PTPRD: variants seen among roughly 807,000 people sequenced by gnomAD.
The protein encoded by PTPRD is receptor-type tyrosine-protein phosphatase delta.
PTPRD carries 34 observed loss-of-function variants against 214.5 expected under a neutral mutation model. The ratio of observed to expected loss-of-function variants is 0.16; its 90% CI spans 0.12 to 0.21. PTPRD has a LOEUF of 0.21. PTPRD is among the 10% of genes least tolerant of loss of function. PTPRD has a pLI of 1.00. For synonymous variants in PTPRD, 1,128 were observed against 845.7 expected (o/e 1.33, Z -5.79); for missense variants, 2,545 against 2,398.7 (o/e 1.06, Z -1.27).
At chr9:9,468,702 G>T (rs954264294) in intron 8 of PTPRD, among the ~76,000 whole-genome samples, 1 of 151,944 alleles carries the variant, frequency 6.6e-6, no homozygotes, top group Admixed American at 6.6e-5. Flanking sequence ...TTCTAAAAAT[G>T]CATATATATA....
At chr9:10,190,136 G>T (rs971085561) in intron 3 of PTPRD, among the ~76,000 whole-genome samples, 2 of 151,938 alleles carry the variant, frequency 1.3e-5, no homozygotes, top group Non-Finnish European at 2.9e-5. Context: ...GGAGGCTGAG[G>T]GGGGTGGATC....
intron 14 of PTPRD, among the ~76,000 whole-genome samples, chr9:8,620,834 A>T (rs2095798745): frequency 6.6e-6 from 1 of 151,986 alleles, no homozygotes; most frequent in Admixed American, 6.6e-5. Flanking sequence ...CAGGAAAGAC[A>T]TTCACCCCTC....
chr9:9,001,031 A>G (rs1589578966), intron 11 of PTPRD, among the ~76,000 whole-genome samples: 1 of 152,014 alleles, frequency 6.6e-6, no homozygotes, highest in Non-Finnish European at 1.5e-5. Flanking sequence ...GCCTTCCACT[A>G]TAAGAGGACA....
At chr9:10,152,738 T>G (rs1485375403) in intron 3 of PTPRD, among the ~76,000 whole-genome samples, 1 of 152,090 alleles carries the variant, frequency 6.6e-6, no homozygotes, top group Non-Finnish European at 1.5e-5. Flanking sequence ...GGCAGGAGAA[T>G]AGCTTGAACC....
chr9:9,271,274 T>C (rs1242552861), intron 9 of PTPRD, among the ~76,000 whole-genome samples: 2 of 151,030 alleles, frequency 1.3e-5, no homozygotes, highest in African/African-American at 4.9e-5. Context: ...TTCAAACTTA[T>C]TTTTCTCATC....
chr9:9,603,315 A>T (rs190979290), intron 7 of PTPRD, among the ~76,000 whole-genome samples: 2 of 152,220 alleles, frequency 1.3e-5, no homozygotes, highest in Non-Finnish European at 1.5e-5. Context: ...GGTCAAAAAA[A>T]GTATAACAGA....
chr9:8,804,500 G>A (rs28445022), intron 11 of PTPRD, among the ~76,000 whole-genome samples: 4,874 of 152,002 alleles, frequency 0.032, 221 homozygotes, highest in African/African-American at 0.1. Context: ...TGGGAGGCTG[G>A]GACGGGAGGA....
chr9:8,598,811 G>A (rs1046005661), intron 14 of PTPRD, among the ~76,000 whole-genome samples: 22 of 152,238 alleles, frequency 1.4e-4, no homozygotes, highest in African/African-American at 3.9e-4. Flanking sequence ...AAATGCTTGG[G>A]TTATCAATCT....
At chr9:10,420,664 C>T (rs2098537690) in intron 2 of PTPRD, among the ~76,000 whole-genome samples, 1 of 151,850 alleles carries the variant, frequency 6.6e-6, no homozygotes, top group Admixed American at 6.6e-5. Context: ...AACTGAACTC[C>T]TAATCCTTAT....
At chr9:9,655,599 C>T (rs887822701) in intron 7 of PTPRD, among the ~76,000 whole-genome samples, 2 of 151,330 alleles carry the variant, frequency 1.3e-5, no homozygotes, top group Admixed American at 1.3e-4. Context: ...CCAAACCAAA[C>T]CAAACCAAAC....
chr9:9,561,790 T>G (rs895146198), intron 8 of PTPRD, among the ~76,000 whole-genome samples: 2 of 152,222 alleles, frequency 1.3e-5, no homozygotes, highest in African/African-American at 2.4e-5. Context: ...CTTTTCTTTC[T>G]CTTTCTATCT....
intron 8 of PTPRD, among the ~76,000 whole-genome samples, chr9:9,481,697 C>T (rs184380102): frequency 4.6e-5 from 7 of 151,918 alleles, no homozygotes; most frequent in Admixed American, 4.6e-4. Flanking sequence ...ATGCCTAGAG[C>T]TCGCAAATGT....
At chr9:9,762,132 T>C (rs979392968) in intron 6 of PTPRD, among the ~76,000 whole-genome samples, 1 of 152,188 alleles carries the variant, frequency 6.6e-6, no homozygotes, top group African/African-American at 2.4e-5. Flanking sequence ...CTCAAGGCTC[T>C]GAACAGAGGT....
intron 9 of PTPRD, among the ~76,000 whole-genome samples, chr9:9,326,900 C>A (rs1052140073): frequency 6.6e-6 from 1 of 152,042 alleles, no homozygotes; most frequent in African/African-American, 2.4e-5. Context: ...TTCTCTTGTC[C>A]CAGAAGCTAA....
intron 11 of PTPRD, among the ~76,000 whole-genome samples, chr9:8,814,286 G>A (rs750015152): frequency 3.3e-5 from 5 of 152,114 alleles, no homozygotes; most frequent in Admixed American, 6.6e-5. Context: ...TTTCATATGC[G>A]GCTATGAAGT....
chr9:9,343,143 T>A (rs921892607), intron 9 of PTPRD, among the ~76,000 whole-genome samples: 2 of 152,200 alleles, frequency 1.3e-5, no homozygotes, highest in African/African-American at 4.8e-5. Flanking sequence ...TGATAGGCAT[T>A]TGGGTTGGTT....
Position 8,519,611 on chromosome 9 carries a change from T to C in PTPRD, c.962-1182A>G, listed in dbSNP as rs140806930. Among the ~76,000 whole-genome samples the C allele has an allele frequency of 2.3e-3, 350 of 152,266 alleles. 1 individual carries two copies. The highest frequency in any genetic ancestry group is 7.6e-3 in the African/African-American group (314 of 41,566). Reference sequence around the variant, plus strand: ...CTTGTACTTCTGACTTACTGTAAAATTGTGAATGCCTAGAATGCTGCCTGG... The same window carrying C: ...CTTGTACTTCTGACTTACTGTAAAACTGTGAATGCCTAGAATGCTGCCTGG... On this transcript the variant is annotated intron_variant, in intron 20 of 45. Coordinates refer to ENST00000381196, the MANE Select transcript of PTPRD (RefSeq NM_002839.4).
At chr9:9,214,823 C>T (rs2099951099) in intron 9 of PTPRD, among the ~76,000 whole-genome samples, 1 of 152,130 alleles carries the variant, frequency 6.6e-6, no homozygotes, top group South Asian at 2.1e-4. Flanking sequence ...GTAGTTGTCT[C>T]AGCAAGCCTG....
intron 14 of PTPRD, among the ~76,000 whole-genome samples, chr9:8,625,136 G>A (rs1239179180): frequency 6.6e-6 from 1 of 151,704 alleles, no homozygotes; most frequent in Admixed American, 6.6e-5. Context: ...GACATAAAGA[G>A]TATAATTTCA....
Sources: gnomAD v4.1 joint callset for allele counts (sites outside exome capture counted in the v4.1 genomes callset) on GRCh38, gnomAD v4.1.1 for gene constraint, MANE v1.5 for transcripts, NCBI Gene and HGNC (gene_info 2026-07-23, HGNC 2026-07-21) for gene names.